The following UBC variants were observed in gnomAD, a reference collection of about 807,000 sequenced individuals.
UBC encodes the protein ubiquitin C.
A neutral mutation model predicts 34.7 loss-of-function variants in UBC; 8 were observed. The observed-to-expected ratio is 0.23, with a 90% CI of 0.14 to 0.42. UBC has a LOEUF of 0.42. UBC is among the 10% of genes least tolerant of loss of function. The pLI, the probability that UBC is intolerant of heterozygous loss-of-function variation, is 1.00. For missense variants in UBC, 323 were observed against 750.3 expected, an observed-to-expected ratio of 0.43 and a Z score of 6.65; for synonymous variants, 367 against 299.8, an observed-to-expected ratio of 1.22 and a Z score of -2.32.
chr12:124,914,117 T>C lies in UBC; in HGVS notation c.-3-343A>G, dbSNP rs554894626. On this transcript the variant is annotated intron_variant, in intron 1 of 1. Transcript: ENST00000339647. ...ACCGGCAGGTGGCCCCACCCTGCAT[T>C]ATAAGCCAACAGAACGGGTGACGTC... 24 of 326,746 alleles carry C rather than the reference T, an allele frequency of 7.3e-5. No homozygotes were observed. The East Asian group carries it at 1.7e-3, about 23-fold the overall frequency. The allele number at this position is 326,746 out of a possible 1,614,324, so 20.2% of individuals were successfully genotyped here. A position where few individuals can be genotyped will look rare whatever the true frequency, so the allele number is the denominator to read the frequency against.
Position 124,913,303 on chromosome 12 carries a change from C to T in UBC, c.469G>A (p.Val157Met), listed in dbSNP as rs1481713870. The change falls in exon 2 of 2, where the codon GTG (valine) becomes ATG (methionine). Residue 157 changes from valine (V) to methionine (M), a missense_variant. By Grantham distance (21) the Val-to-Met change is conservative. Around this residue, in one of 5 missense-constraint regions of UBC, gnomAD observed 202 missense variants for 361.9 expected, o/e 0.56. Coordinates refer to ENST00000339647, the MANE Select transcript of UBC (RefSeq NM_021009.7). ...ATGGTCTTACCAGTCAGGGTCTTCA[C>T]GAAGATCTGCATCCCACCTCTGAGA... Reference protein sequence around the residue: ...LRLRGGMQIFVKTLTGKTITL... With the variant: ...LRLRGGMQIFMKTLTGKTITL... 2 of 1,609,696 alleles carry T rather than the reference C, an allele frequency of 1.2e-6. No individual in the cohort carries two copies. Among genetic ancestry groups the T allele is most frequent in the Non-Finnish European group, 1.7e-6 (2 of 1,178,706 alleles).
chr12:124,913,838 T>G, intron 1 of UBC, 64 bp from the exon 2 acceptor site: 1 of 1,588,058 alleles, frequency 6.3e-7, no homozygotes, highest in Non-Finnish European at 8.6e-7. Flanking sequence ...CACTGAAAAT[T>G]ACATATTGAC....
rs1184884855 is a variant in UBC, at chr12:124,911,936, G to A, written c.1836C>T (p.Phe612=). Residue 612 remains phenylalanine (F), a synonymous_variant, in exon 2 of 2, where the codon TTC becomes TTT. Coordinates refer to ENST00000339647, the MANE Select transcript of UBC (RefSeq NM_021009.7). ...VLRLRGGMQI[F]VKTLTGKTIT... is the part of the protein sequence containing the mutation. ...TGGTCTTACCAGTCAGGGTCTTCACGAAGATTTGCATCCCACCTCTGAGAC... is the reference window on the plus strand; with the variant it reads ...TGGTCTTACCAGTCAGGGTCTTCACAAAGATTTGCATCCCACCTCTGAGAC... 42 of 1,605,634 alleles carry A rather than the reference G, an allele frequency of 2.6e-5. No homozygotes were observed. Among genetic ancestry groups the A allele is most frequent in the African/African-American group, 4.1e-5 (3 of 73,002 alleles).
Position 124,912,927 on chromosome 12 carries a change from C to T in UBC, c.845G>A (p.Arg282His). Residue 282 changes from arginine (R) to histidine (H), a missense_variant, in exon 2 of 2, where the codon CGC becomes CAC. By Grantham distance (29) the Arg-to-His change is conservative. Around this residue, in one of 5 missense-constraint regions of UBC, gnomAD observed 202 missense variants for 361.9 expected, o/e 0.56. Coordinates refer to ENST00000339647, the MANE Select transcript of UBC (RefSeq NM_021009.7). ...IFAGKQLEDG[R>H]TLSDYNIQKE... ...CTGGATGTTGTAGTCAGACAGGGTGCGCCCATCTTCCAGCTGCTTTCCGGC... is the reference window on the plus strand; with the variant it reads ...CTGGATGTTGTAGTCAGACAGGGTGTGCCCATCTTCCAGCTGCTTTCCGGC... 1 of 1,609,536 alleles carries T rather than the reference C, an allele frequency of 6.2e-7. No homozygotes were observed.
rs369200129 is a variant in UBC, at chr12:124,913,111, G to A, written c.661C>T (p.Leu221=). Residue 221 remains leucine, a synonymous_variant, in exon 2 of 2, where the codon CTG becomes TTG. Transcript: ENST00000339647. The stretch of plus-strand genomic sequence containing the variant: ...ATCCCACCTCTGAGACGGAGTACCA[G>A]GTGCAAGGTGGACTCTTTCTGGATG... ...YNIQKESTLH[L]VLRLRGGMQI... is the part of the protein sequence containing the mutation. The A allele has an allele frequency of 1.9e-5, 30 of 1,608,776 alleles. 1 individual carries two copies. The highest frequency in any genetic ancestry group is 2.5e-5 in the Non-Finnish European group (29 of 1,177,872).
chr12:124,912,586 C>T lies in UBC; in HGVS notation c.1186G>A (p.Glu396Lys). The change falls in exon 2 of 2, where the codon GAG becomes AAG. Residue 396 changes from glutamate (E) to lysine (K), a missense_variant. Transcript: ENST00000339647. Reference sequence around the variant, plus strand: ...TCAATGGTGTCACTCGGCTCCACCTCGAGAGTGATGGTCTTACCAGTCAGG... The same window carrying T: ...TCAATGGTGTCACTCGGCTCCACCTTGAGAGTGATGGTCTTACCAGTCAGG... ...KTLTGKTITL[E>K]VEPSDTIENV... 1 of 1,598,214 alleles carries T rather than the reference C, an allele frequency of 6.3e-7. No homozygotes were observed. The highest frequency in any genetic ancestry group is 8.5e-7 in the Non-Finnish European group (1 of 1,175,024).
Position 124,911,684 on chromosome 12 carries a change from G to A in UBC, c.*30C>T, listed in dbSNP as rs1208378092. 2.5e-6 allele frequency: 4 copies of A among 1,573,644 alleles called. No individual in the cohort carries two copies. The highest frequency in any genetic ancestry group is 2.3e-5 in the East Asian group (1 of 44,350). On this transcript the variant is annotated 3_prime_UTR_variant, in exon 2 of 2. Transcript: ENST00000339647. ...AACTTTATTGAAAGGAAAGTGCAAT[G>A]AAATTTGTTGAAACCTTAAAAGGGG...
At chr12:124,914,101 T>A in intron 1 of UBC, 1 of 370,678 alleles carries the variant, frequency 2.7e-6, no homozygotes, top group Non-Finnish European at 4.9e-6. Context: ...TACCGGCAGG[T>A]GGCCCCACCC....
rs1446965672 is a variant in UBC at position 124,913,640 on chromosome 12, G to T, written c.132C>A (p.Ile44=). The change falls in exon 2 of 2, where the codon ATC becomes ATA. Residue 44 remains isoleucine, a synonymous_variant. Coordinates refer to ENST00000339647, the MANE Select transcript of UBC (RefSeq NM_021009.7). ...CATCTTCCAGCTGTTTTCCAGCAAA[G>T]ATCAGCCTCTGCTGGTCAGGAGGGA... ...EGIPPDQQRL[I]FAGKQLEDGR... 1.2e-6 allele frequency: 2 copies of T among 1,613,306 alleles called. No individual in the cohort carries two copies. Among genetic ancestry groups the T allele is most frequent in the South Asian group, 2.2e-5 (2 of 91,012 alleles).
intron 1 of UBC, chr12:124,914,019 C>A: frequency 1.7e-6 from 1 of 598,960 alleles, no homozygotes; most frequent in Non-Finnish European, 2.8e-6. Context: ...GGTCCGGCGC[C>A]TGTCGATTCA....
intron 1 of UBC, chr12:124,914,317 C>T (rs1347059339): frequency 6.0e-6 from 1 of 165,750 alleles, no homozygotes; most frequent in Non-Finnish European, 1.3e-5. Context: ...AGCTTTCCCG[C>T]ATTAGCGAAG....
rs750901520 is a variant in UBC, at chr12:124,913,779, CAAAA to C, written c.-3-9_-3-6del. The C allele has an allele frequency of 6.2e-7, 1 of 1,605,960 alleles. No homozygotes were observed. Among genetic ancestry groups the C allele is most frequent in the Non-Finnish European group, 8.5e-7 (1 of 1,176,390 alleles). On this transcript the variant is annotated splice_region_variant and splice_polypyrimidine_tract_variant and intron_variant, in intron 1 of 1. Coordinates refer to ENST00000339647, the MANE Select transcript of UBC (RefSeq NM_021009.7). ...CTTCACGAAGATCTGCATTGTCTAA[CAAAA>C]AAGCCAAAAACGGCCAGAATTTAGC...
chr12:124,913,587 T>A lies in UBC; in HGVS notation c.185A>T (p.Gln62Leu). Residue 62 changes from glutamine to leucine, a missense_variant, in exon 2 of 2, where the codon CAG becomes CTG. This residue lies in a region of UBC where 202 missense variants were observed against 361.9 expected (regional missense o/e 0.56). Transcript: ENST00000339647. ...CACCAGGTGCAGGGTGGACTCTTTC[T>A]GGATGTTGTAGTCAGACAGGGTGCG... ...DGRTLSDYNI[Q>L]KESTLHLVLR... 6.2e-7 allele frequency: 1 copy of A among 1,612,060 alleles called. No homozygotes were observed. The highest frequency in any genetic ancestry group is 8.5e-7 in the Non-Finnish European group (1 of 1,179,092).
rs201421062 is a variant in UBC at position 124,913,819 on chromosome 12, C to G, written c.-3-45G>C. 3.1e-6 allele frequency: 5 copies of G among 1,607,578 alleles called. No homozygotes were observed. The East Asian group carries it at 8.9e-5, about 29-fold the overall frequency. ...CGGCCAGAATTTAGCGGACAATTTACTAGTCTAACACTGAAAATTACATAT... is the reference window on the plus strand; with the variant it reads ...CGGCCAGAATTTAGCGGACAATTTAGTAGTCTAACACTGAAAATTACATAT... On this transcript the variant is annotated intron_variant, in intron 1 of 1. Transcript: ENST00000339647.
rs1953559329 is a variant in UBC, at chr12:124,913,669, C to G, written c.103G>C (p.Gly35Arg). The stretch of plus-strand genomic sequence containing the variant: ...AGCCTCTGCTGGTCAGGAGGGATGC[C>G]TTCCTTATCTTGGATCTTTGCCTTG... ...NVKAKIQDKE[G>R]IPPDQQRLIF... Residue 35 changes from glycine to arginine, a missense_variant, in exon 2 of 2, where the codon GGC becomes CGC. Gly to Arg is a moderately radical substitution (Grantham distance 125). Coordinates refer to ENST00000339647, the MANE Select transcript of UBC (RefSeq NM_021009.7). 6.2e-7 allele frequency: 1 copy of G among 1,613,576 alleles called. No homozygotes were observed. Among genetic ancestry groups the G allele is most frequent in the Admixed American group, 1.7e-5 (1 of 59,924 alleles).
chr12:124,912,010 G>A lies in UBC; in HGVS notation c.1762C>T (p.Leu588=). 2.6e-6 allele frequency: 4 copies of A among 1,537,688 alleles called. No homozygotes were observed. The highest frequency in any genetic ancestry group is 1.1e-5 in the South Asian group (1 of 88,114). ...AGKQLEDGRT[L]SDYNIQKEST... The stretch of plus-strand genomic sequence containing the variant: ...TCTTTCTGGATGTTGTAGTCAGACA[G>A]GGTGCGTCCATCTTCCAGCTGTTTC... The change falls in exon 2 of 2, where the codon CTG becomes TTG. Residue 588 remains leucine (L), a synonymous_variant. Transcript: ENST00000339647.
In UBC at chr12:124,911,695, A is replaced by C. The variant is rs1015856874; in HGVS notation, c.*19T>G. 3 of 1,608,632 alleles carry C rather than the reference A, an allele frequency of 1.9e-6. No individual in the cohort carries two copies. In the African/African-American group the frequency reaches 4.0e-5, roughly 22 times the overall value. On this transcript the variant is annotated 3_prime_UTR_variant, in exon 2 of 2. Transcript: ENST00000339647. ...AAGGAAAGTGCAATGAAATTTGTTG[A>C]AACCTTAAAAGGGGAAACTTAGACA...
Position 124,913,013 on chromosome 12 carries a change from G to A in UBC, c.759C>T (p.Asn253=), listed in dbSNP as rs1071865. 4.0e-5 allele frequency: 65 copies of A among 1,606,162 alleles called. 1 individual carries two copies. The highest frequency in any genetic ancestry group is 1.2e-4 in the African/African-American group (9 of 72,534). ...CCTTGTCTTGGATCTTTGCTTTGAC[G>A]TTCTCGATAGTGTCACTGGGCTCGA... ...LEVEPSDTIE[N]VKAKIQDKEG... Residue 253 remains asparagine, a synonymous_variant, in exon 2 of 2, where the codon AAC becomes AAT. Coordinates refer to ENST00000339647, the MANE Select transcript of UBC (RefSeq NM_021009.7).
chr12:124,913,561 G>C lies in UBC; in HGVS notation c.211C>G (p.Leu71Val). Reference sequence around the variant, plus strand: ...ATTTGCATCCCACCTCTGAGACGGAGCACCAGGTGCAGGGTGGACTCTTTC... The same window carrying C: ...ATTTGCATCCCACCTCTGAGACGGACCACCAGGTGCAGGGTGGACTCTTTC... ...IQKESTLHLV[L>V]RLRGGMQIFV... The change falls in exon 2 of 2, where the codon CTC becomes GTC. Residue 71 changes from leucine (L) to valine (V), a missense_variant. Transcript: ENST00000339647. 6.2e-7 allele frequency: 1 copy of C among 1,609,504 alleles called. No individual in the cohort carries two copies. The highest frequency in any genetic ancestry group is 8.5e-7 in the Non-Finnish European group (1 of 1,178,804).
Sources: gnomAD v4.1 joint callset for allele counts on GRCh38, gnomAD v4.1.1 for gene constraint, gnomAD v4.1.1 regional missense constraint, MANE v1.5 for transcripts, NCBI Gene and HGNC (gene_info 2026-07-23, HGNC 2026-07-21) for gene names.